NDEL1: variants seen among roughly 807,000 people sequenced by gnomAD.
NDEL1 encodes the protein nuclear distribution protein nudE-like 1.
In NDEL1, 9 loss-of-function variants were observed where a neutral mutation model predicts 45.7. The observed-to-expected ratio is 0.20, with a 90% CI of 0.12 to 0.34. NDEL1 has a LOEUF of 0.34. Among genes scored for constraint, NDEL1 ranks in the 10% least tolerant of loss-of-function variants. The pLI is 1.00. For synonymous variants in NDEL1, 133 were observed against 158.6 expected, an observed-to-expected ratio of 0.84 and a Z score of 1.21; for missense variants, 306 against 406.2, an observed-to-expected ratio of 0.75 and a Z score of 2.12.
upstream of NDEL1, among the ~76,000 whole-genome samples, chr17:8,430,873 T>C (rs1908983134): frequency 6.6e-6 from 1 of 152,208 alleles, no homozygotes; most frequent in South Asian, 2.1e-4. Flanking sequence ...TTGCTGATGG[T>C]TAATTGCCAT....
At chr17:8,435,612 G>C (rs892276317), upstream of NDEL1, among the ~76,000 whole-genome samples, 6 of 152,204 alleles carry the variant, frequency 3.9e-5, no homozygotes, top group African/African-American at 1.4e-4. Context: ...GAAAACTGAA[G>C]GCAGGTTCCC....
intron 3 of NDEL1, among the ~76,000 whole-genome samples, chr17:8,473,616 G>A (rs1911975224): frequency 6.6e-6 from 1 of 152,184 alleles, no homozygotes; most frequent in Non-Finnish European, 1.5e-5. Context: ...CTATGGTAGT[G>A]GCACAGGAGG....
chr17:8,447,594 T>C (rs1006407887), intron 4 of NDEL1, among the ~76,000 whole-genome samples: 1 of 152,256 alleles, frequency 6.6e-6, no homozygotes, highest in African/African-American at 2.4e-5. Flanking sequence ...TTTATATTTC[T>C]GTTCCTTTTT....
chr17:8,444,382 G>T (rs1909948391), intron 2 of NDEL1, 25 bp downstream of exon 2: 1 of 1,494,780 alleles, frequency 6.7e-7, no homozygotes, highest in African/African-American at 1.4e-5. Flanking sequence ...CACACTAAAA[G>T]TAGGGGAGGG....
At chr17:8,473,654 G>T (rs886934957) in intron 3 of NDEL1, among the ~76,000 whole-genome samples, 1 of 152,108 alleles carries the variant, frequency 6.6e-6, no homozygotes, top group Non-Finnish European at 1.5e-5. Context: ...CATTTCACAC[G>T]TTTCTACTGC....
At chr17:8,439,836 G>T (rs1909615932) in intron 1 of NDEL1, among the ~76,000 whole-genome samples, 1 of 152,122 alleles carries the variant, frequency 6.6e-6, no homozygotes, top group Non-Finnish European at 1.5e-5. Context: ...ACAAATATTA[G>T]CTCACTTCAT....
At chr17:8,446,646 TGTGGGTAAATTCCTTGGGTTC>T (rs1467761768) in intron 3 of NDEL1, 87 bp from the exon 4 acceptor site, 11 of 1,050,762 alleles carry the variant, frequency 1.0e-5, no homozygotes, top group Non-Finnish European at 1.5e-5. Context: ...GTTACAAGAG[TGTGGGTAAATTCCTTGGGTTC>T]CCCCCCACCC....
At chr17:8,426,981 C>G (rs1275187833) in intron 1 of NDEL1, among the ~76,000 whole-genome samples, 2 of 152,230 alleles carry the variant, frequency 1.3e-5, no homozygotes, top group Non-Finnish European at 2.9e-5. Context: ...ACCTGGCGGC[C>G]TGCACAAGGC....
At chr17:8,424,499 G>T (rs1908778736) in intron 1 of NDEL1, among the ~76,000 whole-genome samples, 1 of 152,124 alleles carries the variant, frequency 6.6e-6, no homozygotes, top group Non-Finnish European at 1.5e-5. Context: ...TTGTTTTGTT[G>T]TTTTGTTTTT....
intron 5 of NDEL1, among the ~76,000 whole-genome samples, 191 bp downstream of exon 5, chr17:8,448,877 C>T (rs754316778): frequency 6.6e-5 from 10 of 152,072 alleles, no homozygotes; most frequent in South Asian, 2.1e-4. Context: ...CTTCAGTATG[C>T]GCCAATTTTG....
intron 8 of NDEL1, among the ~76,000 whole-genome samples, chr17:8,463,606 G>A (rs1191655914): frequency 6.6e-6 from 1 of 152,208 alleles, no homozygotes; most frequent in Admixed American, 6.5e-5. Context: ...CAGGTGGCAC[G>A]CCTGAGATGG....
chr17:8,435,901 G>C lies in NDEL1; in HGVS notation c.-157G>C. 1 of 448,334 alleles carries C rather than the reference G, an allele frequency of 2.2e-6. No individual in the cohort carries two copies. Among genetic ancestry groups the C allele is most frequent in the Middle Eastern group, 4.2e-4 (1 of 2,358 alleles). The allele number at this position is 448,334 out of a possible 1,614,324, so 27.8% of individuals were successfully genotyped here. A position where few individuals can be genotyped will look rare whatever the true frequency, so the allele number is the denominator to read the frequency against. On this transcript the variant is annotated 5_prime_UTR_variant, in exon 1 of 9. Transcript: ENST00000334527. ...ACCCAGGCAGTCCCTGACGTGTCGG[G>C]GAGGAGCCGGGCGCGGAGGTACGCT...
At chr17:8,440,718 T>G (rs1909677521) in intron 1 of NDEL1, among the ~76,000 whole-genome samples, 1 of 152,136 alleles carries the variant, frequency 6.6e-6, no homozygotes, top group Non-Finnish European at 1.5e-5. Context: ...TATGTCCCTG[T>G]ACAAGAACCA....
Position 8,424,795 on chromosome 17 carries a change from C to T in NDEL1, c.-13+11526C>T, listed in dbSNP as rs533509205. 9.7e-4 allele frequency among the ~76,000 whole-genome samples: 138 copies of T among 142,938 alleles called. No homozygotes were observed. In the South Asian group the frequency reaches 0.013, roughly 13 times the overall value. 93.8% of individuals were successfully genotyped at this position (142,938 alleles called of 152,430 possible). Reference sequence around the variant, plus strand: ...CTGGGATTACAGGCGTGAGCCACCGCGCCCACAGCCCTTTGTTTTTTTAAT... The same window carrying T: ...CTGGGATTACAGGCGTGAGCCACCGTGCCCACAGCCCTTTGTTTTTTTAAT... On this transcript the variant is annotated intron_variant, in intron 1 of 4. Transcript: ENST00000582812.
chr17:8,446,973 T>C (rs1910124987), intron 4 of NDEL1, 71 bp downstream of exon 4: 1 of 1,523,810 alleles, frequency 6.6e-7, no homozygotes, highest in Admixed American at 2.0e-5. Context: ...TTTATTAGGC[T>C]CTTCCCCTAG....
chr17:8,429,053 A>G (rs1201595328), intron 1 of NDEL1, among the ~76,000 whole-genome samples: 2 of 152,218 alleles, frequency 1.3e-5, no homozygotes, highest in Non-Finnish European at 2.9e-5. Flanking sequence ...GGGATTATAG[A>G]CGCTATGGCC....
At chr17:8,456,483 AG>A (rs1484975088) in intron 7 of NDEL1, among the ~76,000 whole-genome samples, 1 of 139,494 alleles carries the variant, frequency 7.2e-6, no homozygotes, top group Non-Finnish European at 1.5e-5. Flanking sequence ...TGAATGTATT[AG>A]GTTATATCTT....
chr17:8,421,680 C>T lies in NDEL1; in HGVS notation c.-13+8411C>T, dbSNP rs1020657863. On this transcript the variant is annotated intron_variant, in intron 1 of 4. Coordinates refer to the NDEL1 transcript ENST00000582812. ...CCAGGCTTGTGGTAATTATAGCAGC[C>T]ACAGGAAACAAATACACCAGACCTT... is the stretch of plus-strand genomic sequence containing the variant. Among the ~76,000 whole-genome samples the T allele has an allele frequency of 1.6e-4, 25 of 152,118 alleles. 1 individual carries two copies. The highest frequency in any genetic ancestry group is 1.5e-3 in the Admixed American group (23 of 15,266).
At chr17:8,462,709 A>T (rs1451827054) in intron 8 of NDEL1, 3 of 151,838 alleles carry the variant, frequency 2.0e-5, no homozygotes, top group Non-Finnish European at 4.4e-5. Flanking sequence ...CCTCCCTCTC[A>T]CTCCTGAGGA....
Sources: gnomAD v4.1 joint callset for allele counts (sites outside exome capture counted in the v4.1 genomes callset) on GRCh38, gnomAD v4.1.1 for gene constraint, MANE v1.5 for transcripts, NCBI Gene and HGNC (gene_info 2026-07-23, HGNC 2026-07-21) for gene names.